ZNF676: variants seen among roughly 807,000 people sequenced by gnomAD.
ZNF676 encodes zinc finger protein 676.
In ZNF676, 4 loss-of-function variants were observed where a neutral mutation model predicts 6.0. The ratio of observed to expected loss-of-function variants is 0.67; its 90% CI spans 0.33 to 1.53. The LOEUF is 1.53. ZNF676 is among the 40% of genes most tolerant of loss of function. The pLI, the probability that ZNF676 is intolerant of heterozygous loss-of-function variation, is 0.06. For missense variants in ZNF676, 644 were observed against 679.7 expected (o/e 0.95, Z 0.58); for synonymous variants, 198 against 223.1 (o/e 0.89, Z 1.00).
In ZNF676 at chr19:22,193,243, T is replaced by G. The variant is rs945331406; in HGVS notation, c.35-132A>C. ...TCCCAAAATACTAAATTATAACATGTCTGTTGAAGAAAAACGTTATGTGCA... is the reference window on the plus strand; with the variant it reads ...TCCCAAAATACTAAATTATAACATGGCTGTTGAAGAAAAACGTTATGTGCA... On this transcript the variant is annotated intron_variant, in intron 1 of 2. Coordinates refer to ENST00000397121, the MANE Select transcript of ZNF676 (RefSeq NM_001001411.3). The G allele has an allele frequency of 1.2e-5, 13 of 1,087,518 alleles. No individual in the cohort carries two copies. In the African/African-American group the frequency reaches 2.2e-4, roughly 18 times the overall value. The allele number at this position is 1,087,518 out of a possible 1,614,324, so 67.4% of individuals were successfully genotyped here.
intron 1 of ZNF676, among the ~76,000 whole-genome samples, chr19:22,205,657 G>T (rs1374932710): frequency 6.6e-6 from 1 of 152,002 alleles, no homozygotes; most frequent in African/African-American, 2.4e-5. Flanking sequence ...TACAGCTAAG[G>T]CAGTGTTAAA....
the ZNF676 span, among the ~76,000 whole-genome samples, chr19:22,247,323 G>C: frequency 6.6e-6 from 1 of 151,994 alleles, no homozygotes; most frequent in Non-Finnish European, 1.5e-5. Context: ...CAGCACTCTG[G>C]GAGGCTGAGG....
At chr19:22,243,829 C>T in the ZNF676 span, 3 of 152,222 alleles carry the variant, frequency 2.0e-5, no homozygotes, top group African/African-American at 7.2e-5. Context: ...ATGACAGTCA[C>T]AATTCCAACT....
rs1263746559 is a variant in ZNF676 at position 22,213,841 on chromosome 19, G to A, written c.3+1791C>T. On this transcript the variant is annotated intron_variant, in intron 1 of 3. Transcript: ENST00000650058. ...CAGTATCTTGGTTTTTCCCCAGACA[G>A]TACTGAATCTCAGGTCCAAGGAAAA... Among the ~76,000 whole-genome samples, 3 of 152,158 alleles carry A rather than the reference G, an allele frequency of 2.0e-5. No homozygotes were observed. The East Asian group carries it at 5.8e-4, about 29-fold the overall frequency.
At chr19:22,251,375 T>A in the ZNF676 span, among the ~76,000 whole-genome samples, 8 of 152,220 alleles carry the variant, frequency 5.3e-5, no homozygotes, top group Admixed American at 2.0e-4. Context: ...TACACACTAG[T>A]CTCATTTGTT....
the ZNF676 span, among the ~76,000 whole-genome samples, chr19:22,235,757 C>G: frequency 6.6e-6 from 1 of 152,108 alleles, no homozygotes; most frequent in African/African-American, 2.4e-5. Flanking sequence ...AAGATTATGA[C>G]ACAAAGCCAG....
chr19:22,239,706 G>C, the ZNF676 span, among the ~76,000 whole-genome samples: 3 of 152,182 alleles, frequency 2.0e-5, no homozygotes, highest in African/African-American at 7.2e-5. Context: ...TCAGGCAGGA[G>C]AGTCACAACA....
upstream of ZNF676, among the ~76,000 whole-genome samples, chr19:22,198,843 G>A (rs562423961): frequency 1.3e-5 from 2 of 151,986 alleles, no homozygotes; most frequent in African/African-American, 2.4e-5. Flanking sequence ...ATGGGCCACG[G>A]TGTACTGTCC....
chr19:22,196,921 A>ATAAG lies in ZNF676; in HGVS notation c.-292_-289dup, dbSNP rs2023973424. 1.7e-6 allele frequency: 1 copy of ATAAG among 580,608 alleles called. No homozygotes were observed. The highest frequency in any genetic ancestry group is 3.1e-5 in the East Asian group (1 of 32,664). The allele number at this position is 580,608 out of a possible 1,614,324, so 36.0% of individuals were successfully genotyped here. A position where few individuals can be genotyped will look rare whatever the true frequency, so the allele number is the denominator to read the frequency against. ...TCTAACTCTGAGAAAAGAAAGTGGT[A>ATAAG]TAAGATCCATAACATCTGTGTATAT... On this transcript the variant is annotated 5_prime_UTR_variant, in exon 1 of 3. The change creates a premature stop within an existing upstream ORF in the 5' untranslated region. Transcript: ENST00000397121.
At position 22,186,992 on chromosome 19, in the gene ZNF676, AG is replaced by A. The variant is rs2023848385; in HGVS notation, c.131-5407del. Among the ~76,000 whole-genome samples the A allele has an allele frequency of 2.0e-5, 3 of 152,280 alleles. No individual in the cohort carries two copies. In the South Asian group the frequency reaches 6.2e-4, roughly 32 times the overall value. The stretch of plus-strand genomic sequence containing the variant: ...AGATAAATGAGACAAAAAACTAACA[AG>A]GATGTTCAGGACTTGAACTCAAGCA... On this transcript the variant is annotated intron_variant, in intron 2 of 2. Coordinates refer to ENST00000397121, the MANE Select transcript of ZNF676 (RefSeq NM_001001411.3).
At chr19:22,242,438 T>C in the ZNF676 span, among the ~76,000 whole-genome samples, 3 of 151,928 alleles carry the variant, frequency 2.0e-5, no homozygotes, top group Non-Finnish European at 4.4e-5. Context: ...ACAAGGGTCA[T>C]ATTTCTTGGG....
At chr19:22,193,655 G>A (rs1345550254) in intron 1 of ZNF676, among the ~76,000 whole-genome samples, 1 of 152,048 alleles carries the variant, frequency 6.6e-6, no homozygotes, top group Non-Finnish European at 1.5e-5. Context: ...AGGAGAATTG[G>A]CCTCTGCTAC....
chr19:22,226,194 C>T, the ZNF676 span, among the ~76,000 whole-genome samples: 1 of 151,962 alleles, frequency 6.6e-6, no homozygotes, highest in African/African-American at 2.4e-5. Context: ...ATTGTGTGCT[C>T]ATGGCAGCTT....
chr19:22,223,514 CTT>C, the ZNF676 span, among the ~76,000 whole-genome samples: 7 of 142,880 alleles, frequency 4.9e-5, no homozygotes, highest in South Asian at 2.2e-4. Flanking sequence ...AATAGGTCAC[CTT>C]TTTTTTTTTT....
At chr19:22,192,089 C>A (rs1014066383) in intron 2 of ZNF676, among the ~76,000 whole-genome samples, 2 of 152,092 alleles carry the variant, frequency 1.3e-5, no homozygotes, top group Admixed American at 6.6e-5. Flanking sequence ...ATAAACAGTA[C>A]ATTAAAATCT....
chr19:22,251,199 T>A, the ZNF676 span, among the ~76,000 whole-genome samples: 2 of 152,378 alleles, frequency 1.3e-5, no homozygotes, highest in South Asian at 4.1e-4. Flanking sequence ...AAAACCTATG[T>A]GAAAAATAAT....
In ZNF676 at chr19:22,180,123, G is replaced by C. The variant is rs2023710076; in HGVS notation, c.1594C>G (p.Pro532Ala). ...TTGCCACATTCTTCACATTTGTAGG[G>C]TTTCTCTCCAGTATGAATTATCTTA... Reference protein sequence around the residue: ...EHKIIHTGEKPYKCEECGKAF... With the variant: ...EHKIIHTGEKAYKCEECGKAF... The change falls in exon 3 of 3, where the codon CCC (proline) becomes GCC (alanine). Residue 532 changes from proline (P) to alanine (A), a missense_variant. Physicochemically the swap from Pro to Ala is conservative, Grantham distance 27. Coordinates refer to ENST00000397121, the MANE Select transcript of ZNF676 (RefSeq NM_001001411.3). 6.2e-7 allele frequency: 1 copy of C among 1,613,796 alleles called. No individual in the cohort carries two copies. Among genetic ancestry groups the C allele is most frequent in the Non-Finnish European group, 8.5e-7 (1 of 1,179,944 alleles).
At chr19:22,230,298 T>C in the ZNF676 span, among the ~76,000 whole-genome samples, 1 of 151,990 alleles carries the variant, frequency 6.6e-6, no homozygotes, top group Non-Finnish European at 1.5e-5. Context: ...AGTTGAACAA[T>C]GAGAATGCAT....
chr19:22,228,376 A>G, the ZNF676 span, among the ~76,000 whole-genome samples: 4 of 152,236 alleles, frequency 2.6e-5, no homozygotes, highest in Non-Finnish European at 5.9e-5. Context: ...AAAGCTATTT[A>G]TGACAGACCA....
Sources: gnomAD v4.1 joint callset for allele counts (sites outside exome capture counted in the v4.1 genomes callset) on GRCh38, gnomAD v4.1.1 for gene constraint, MANE v1.5 for transcripts, NCBI Gene and HGNC (gene_info 2026-07-23, HGNC 2026-07-21) for gene names.